The following MAGI2 variants were observed in gnomAD, a reference collection of about 807,000 sequenced individuals.
MAGI2 encodes the protein membrane associated guanylate kinase, WW and PDZ domain containing 2, also known as membrane-associated guanylate kinase, WW and PDZ domain-containing protein 2.
Under a neutral mutation model 133.3 loss-of-function variants are expected in MAGI2, and 35 were observed. The observed-to-expected ratio is 0.26, with a 90% CI of 0.20 to 0.35. The LOEUF is 0.35. Ranked by LOEUF, MAGI2 falls within the 10% of genes least tolerant of loss-of-function variation. The pLI is 1.00. For synonymous variants in MAGI2, 729 were observed against 710.6 expected (o/e 1.03, Z -0.41); for missense variants, 1,636 against 1,863.4 (o/e 0.88, Z 2.25).
intron 1 of MAGI2, among the ~76,000 whole-genome samples, chr7:79,321,293 A>G (rs1180050484): frequency 6.6e-6 from 1 of 152,178 alleles, no homozygotes; most frequent in East Asian, 1.9e-4. Flanking sequence ...TTGGTTTTTC[A>G]AAGAAAATTA....
At chr7:79,221,113 C>T (rs567227869) in intron 1 of MAGI2, among the ~76,000 whole-genome samples, 1 of 152,084 alleles carries the variant, frequency 6.6e-6, no homozygotes, top group African/African-American at 2.4e-5. Context: ...TTCTACTTAC[C>T]TGTCTAAGCA....
intron 6 of MAGI2, among the ~76,000 whole-genome samples, chr7:78,378,100 A>C (rs1794612225): frequency 6.6e-6 from 1 of 152,098 alleles, no homozygotes; most frequent in African/African-American, 2.4e-5. Flanking sequence ...TGATGAAATA[A>C]AATTTAAAAA....
intron 9 of MAGI2, among the ~76,000 whole-genome samples, chr7:78,323,145 TC>T (rs1788193351): frequency 6.6e-6 from 1 of 152,144 alleles, no homozygotes; most frequent in African/African-American, 2.4e-5. Context: ...TTTAGTCACT[TC>T]TTTATACTGT....
chr7:78,565,718 C>T (rs1040476131), intron 3 of MAGI2, among the ~76,000 whole-genome samples: 5 of 152,144 alleles, frequency 3.3e-5, no homozygotes, highest in South Asian at 2.1e-4. Context: ...GCTCATGGCA[C>T]GACTAATATA....
intron 1 of MAGI2, among the ~76,000 whole-genome samples, chr7:79,366,133 T>G (rs1209017666): frequency 1.3e-5 from 2 of 151,618 alleles, no homozygotes. Context: ...TCCCAGCTAC[T>G]CAGGAGGCTG....
At chr7:78,598,343 C>G (rs1804834032) in intron 3 of MAGI2, among the ~76,000 whole-genome samples, 1 of 151,932 alleles carries the variant, frequency 6.6e-6, no homozygotes, top group Non-Finnish European at 1.5e-5. Context: ...AGGAGTTAGT[C>G]TGGTACGGGG....
chr7:79,277,471 A>C (rs1835319074), intron 1 of MAGI2, among the ~76,000 whole-genome samples: 1 of 152,162 alleles, frequency 6.6e-6, no homozygotes, highest in Non-Finnish European at 1.5e-5. Flanking sequence ...GTCTGGACCC[A>C]ACTCTGTAAT....
intron 1 of MAGI2, among the ~76,000 whole-genome samples, chr7:79,066,469 C>T (rs1814342231): frequency 6.6e-6 from 1 of 151,758 alleles, no homozygotes; most frequent in Non-Finnish European, 1.5e-5. Flanking sequence ...GATATTAGCC[C>T]TTTTTCAGAT....
intron 4 of MAGI2, among the ~76,000 whole-genome samples, chr7:78,507,838 G>A (rs1353635397): frequency 1.3e-5 from 2 of 152,204 alleles, no homozygotes; most frequent in African/African-American, 4.8e-5. Flanking sequence ...GCAGTGTACA[G>A]TCAAGGAGAA....
chr7:78,206,874 G>C (rs1036147557), intron 10 of MAGI2, among the ~76,000 whole-genome samples: 1 of 152,112 alleles, frequency 6.6e-6, no homozygotes, highest in Non-Finnish European at 1.5e-5. Flanking sequence ...GAGTAGGAAC[G>C]ACTTTTAAAC....
At chr7:78,570,144 G>A (rs1489397736) in intron 3 of MAGI2, among the ~76,000 whole-genome samples, 24 of 152,106 alleles carry the variant, frequency 1.6e-4, no homozygotes. Flanking sequence ...TATTCCAACA[G>A]GGTAGAGTGG....
intron 9 of MAGI2, among the ~76,000 whole-genome samples, chr7:78,312,144 T>C (rs1360742900): frequency 1.3e-5 from 2 of 152,148 alleles, no homozygotes. Context: ...TGGGCATTTA[T>C]ATATTGGAAA....
chr7:78,658,462 A>ATTGATAAACTG (rs1812547488), intron 2 of MAGI2, among the ~76,000 whole-genome samples: 1 of 152,202 alleles, frequency 6.6e-6, no homozygotes, highest in Non-Finnish European at 1.5e-5. Context: ...AGAAGGGAAA[A>ATTGATAAACTG]TTGATAAACT....
intron 1 of MAGI2, among the ~76,000 whole-genome samples, chr7:79,060,357 T>TA (rs869158500): frequency 5.3e-5 from 8 of 151,652 alleles, no homozygotes; most frequent in East Asian, 1.9e-4. Flanking sequence ...CATATTTTTT[T>TA]AAAAAAAAAC....
At chr7:78,356,284 G>T (rs1792072992) in intron 7 of MAGI2, among the ~76,000 whole-genome samples, 1 of 152,116 alleles carries the variant, frequency 6.6e-6, no homozygotes, top group Non-Finnish European at 1.5e-5. Context: ...ACTTATAAAA[G>T]AATGCTGCAT....
chr7:79,398,037 C>T (rs1469718475), intron 1 of MAGI2, among the ~76,000 whole-genome samples: 1 of 152,046 alleles, frequency 6.6e-6, no homozygotes, highest in South Asian at 2.1e-4. Context: ...TGTCCATGTG[C>T]CTTTTAATTT....
chr7:78,202,254 C>T (rs1431914564), intron 10 of MAGI2, among the ~76,000 whole-genome samples: 1 of 152,094 alleles, frequency 6.6e-6, no homozygotes, highest in Non-Finnish European at 1.5e-5. Context: ...TTCCTATTTC[C>T]ATTTGTAGGA....
chr7:79,282,675 A>G (rs1697507406), intron 1 of MAGI2, among the ~76,000 whole-genome samples: 1 of 152,152 alleles, frequency 6.6e-6, no homozygotes, highest in African/African-American at 2.4e-5. Context: ...TCTCTCAGGC[A>G]TGAAAGAAAC....
At chr7:79,374,870 C>A (rs566081689) in intron 1 of MAGI2, among the ~76,000 whole-genome samples, 1 of 152,052 alleles carries the variant, frequency 6.6e-6, no homozygotes, top group Non-Finnish European at 1.5e-5. Context: ...TTTGCATTCT[C>A]ATCTGCCTTT....
Sources: gnomAD v4.1 joint callset for allele counts (sites outside exome capture counted in the v4.1 genomes callset) on GRCh38, gnomAD v4.1.1 for gene constraint, MANE v1.5 for transcripts, NCBI Gene and HGNC (gene_info 2026-07-23, HGNC 2026-07-21) for gene names.